The following MAF variants were observed in gnomAD, a reference collection of about 807,000 sequenced individuals.
The protein encoded by MAF is transcription factor Maf.
In MAF, 10 loss-of-function variants were observed where a neutral mutation model predicts 22.0. The observed-to-expected ratio is 0.45, with a 90% CI of 0.28 to 0.77. The LOEUF is 0.77. MAF is among the 30% of genes least tolerant of loss of function. The pLI is 0.12. For synonymous variants in MAF, 337 were observed against 255.8 expected, an observed-to-expected ratio of 1.32 and a Z score of -3.03; for missense variants, 544 against 548.4, an observed-to-expected ratio of 0.99 and a Z score of 0.08.
At chr16:79,275,820 G>C in the MAF span, among the ~76,000 whole-genome samples, 1 of 152,134 alleles carries the variant, frequency 6.6e-6, no homozygotes, top group East Asian at 1.9e-4. Flanking sequence ...AAGTTCATTG[G>C]AAACCATGTA....
At position 79,599,125 on chromosome 16, in the gene MAF, G is replaced by C; in HGVS notation, c.778C>G (p.Arg260Gly). The change falls in exon 1 of 2, where the codon CGC (arginine) becomes GGC (glycine). Residue 260 changes from arginine (R) to glycine (G), a missense_variant. Arg to Gly is a moderately radical substitution (Grantham distance 125). This residue lies in a region of MAF where 342 missense variants were observed against 315.5 expected (regional missense o/e 1.08). Coordinates refer to ENST00000326043, the MANE Select transcript of MAF (RefSeq NM_005360.5). ...HAAGGLHFDD[R>G]FSDEQLVTMS... ...GTCACCAGCTGCTCGTCGGAGAAGC[G>C]GTCGTCGAAGTGCAGGCCGCCGGCG... The C allele has an allele frequency of 1.3e-6, 2 of 1,591,272 alleles. No homozygotes were observed. Among genetic ancestry groups the C allele is most frequent in the Non-Finnish European group, 1.7e-6 (2 of 1,175,142 alleles).
the MAF span, among the ~76,000 whole-genome samples, chr16:79,518,749 A>AC: frequency 1.3e-5 from 2 of 152,088 alleles, no homozygotes; most frequent in Non-Finnish European, 2.9e-5. Flanking sequence ...TCATGGAGAA[A>AC]CCCCATCTCT....
At chr16:79,391,623 T>C in the MAF span, among the ~76,000 whole-genome samples, 1 of 152,102 alleles carries the variant, frequency 6.6e-6, no homozygotes, top group Non-Finnish European at 1.5e-5. Flanking sequence ...ACCCTGGATA[T>C]GAGTTCAGGT....
chr16:79,451,538 T>C, the MAF span, among the ~76,000 whole-genome samples: 1 of 152,232 alleles, frequency 6.6e-6, no homozygotes, highest in African/African-American at 2.4e-5. Flanking sequence ...ATTTTGCGGT[T>C]CAAGCTACAA....
chr16:79,459,283 C>T, the MAF span, among the ~76,000 whole-genome samples: 1 of 152,152 alleles, frequency 6.6e-6, no homozygotes, highest in South Asian at 2.1e-4. Flanking sequence ...TCCATTTTGG[C>T]ATATATTCTT....
At chr16:79,597,980 G>C (rs1184564618) in intron 1 of MAF, 1 of 1,042,956 alleles carries the variant, frequency 9.6e-7, no homozygotes, top group Non-Finnish European at 1.2e-6. Context: ...GTCACACCCA[G>C]AAGGTTGATG....
At chr16:79,448,394 T>A in the MAF span, among the ~76,000 whole-genome samples, 792 of 142,144 alleles carry the variant, frequency 5.6e-3, 2 homozygotes, top group Non-Finnish European at 9.7e-3. Context: ...TTTTTTTTTT[T>A]AGCAATGAAG....
the MAF span, among the ~76,000 whole-genome samples, chr16:79,374,627 G>C: frequency 6.6e-6 from 1 of 152,200 alleles, no homozygotes; most frequent in Non-Finnish European, 1.5e-5. Context: ...AGGCACTGGG[G>C]CTAGAAGGCT....
the MAF span, among the ~76,000 whole-genome samples, chr16:79,496,306 T>C: frequency 6.6e-6 from 1 of 152,162 alleles, no homozygotes; most frequent in Non-Finnish European, 1.5e-5. Flanking sequence ...TTCGGAAGAT[T>C]GCAGATGGTA....
chr16:79,339,825 C>T, the MAF span, among the ~76,000 whole-genome samples: 1 of 152,190 alleles, frequency 6.6e-6, no homozygotes, highest in East Asian at 1.9e-4. Flanking sequence ...CAGCCAGCCC[C>T]TTAACAAGAT....
chr16:79,331,344 C>T, the MAF span, among the ~76,000 whole-genome samples: 2 of 152,152 alleles, frequency 1.3e-5, no homozygotes, highest in Non-Finnish European at 2.9e-5. Context: ...TTCAGAGAAA[C>T]CTTAAATGCC....
the MAF span, among the ~76,000 whole-genome samples, chr16:79,540,533 T>A: frequency 1.3e-5 from 2 of 152,102 alleles, no homozygotes; most frequent in Non-Finnish European, 2.9e-5. Context: ...AGGGGCTTCC[T>A]CTCCCATCAG....
At chr16:79,324,689 G>A in the MAF span, among the ~76,000 whole-genome samples, 1 of 152,138 alleles carries the variant, frequency 6.6e-6, no homozygotes, top group Non-Finnish European at 1.5e-5. Context: ...AGAAAGGGGA[G>A]GAGGCACAGG....
chr16:79,571,061 C>T, the MAF span, among the ~76,000 whole-genome samples: 1 of 151,474 alleles, frequency 6.6e-6, no homozygotes, highest in African/African-American at 2.4e-5. Context: ...AGGTCTGGCA[C>T]TGATGACTGT....
At chr16:79,253,055 G>C in the MAF span, among the ~76,000 whole-genome samples, 2 of 152,190 alleles carry the variant, frequency 1.3e-5, no homozygotes, top group Non-Finnish European at 2.9e-5. Flanking sequence ...AGATAAGACA[G>C]TAAAACACCT....
chr16:79,516,297 T>TAAGAG, the MAF span: 1 of 152,224 alleles, frequency 6.6e-6, no homozygotes, highest in Non-Finnish European at 1.5e-5. Flanking sequence ...TTTTAAAATT[T>TAAGAG]AAGAGTTGTC....
chr16:79,207,490 T>A, the MAF span, among the ~76,000 whole-genome samples: 730 of 152,348 alleles, frequency 4.8e-3, 6 homozygotes, highest in African/African-American at 0.017. Flanking sequence ...TTCATAACTC[T>A]ACTTTTTGCA....
At chr16:79,431,562 A>G in the MAF span, among the ~76,000 whole-genome samples, 9 of 152,302 alleles carry the variant, frequency 5.9e-5, no homozygotes, top group African/African-American at 2.2e-4. Flanking sequence ...GTTTCTCTAT[A>G]TTCAAAGAAG....
At chr16:79,465,414 A>C in the MAF span, among the ~76,000 whole-genome samples, 1 of 152,118 alleles carries the variant, frequency 6.6e-6, no homozygotes, top group African/African-American at 2.4e-5. Flanking sequence ...GCAACATGGC[A>C]AGACCAGTCT....
Sources: allele counts gnomAD v4.1 joint callset (sites outside exome capture counted in the v4.1 genomes callset), GRCh38; gene constraint gnomAD v4.1.1; regional missense constraint gnomAD v4.1.1; transcripts MANE v1.5; gene names NCBI Gene and HGNC (gene_info 2026-07-23, HGNC 2026-07-21).